Variants in ITGB3BP observed in about 807,000 individuals in gnomAD.
ITGB3BP encodes integrin subunit beta 3 binding protein, also known as centromere protein R.
Under a neutral mutation model 29.1 loss-of-function variants are expected in ITGB3BP, and 27 were observed. The observed-to-expected ratio is 0.93, with a 90% confidence interval of 0.68 to 1.28. ITGB3BP has a LOEUF of 1.28. ITGB3BP is among the 50% of genes most tolerant of loss of function. The pLI is 0.00. For missense variants in ITGB3BP, 192 were observed against 200.2 expected, an observed-to-expected ratio of 0.96 and a Z score of 0.25; for synonymous variants, 61 against 61.4, an observed-to-expected ratio of 0.99 and a Z score of 0.03.
intron 7 of ITGB3BP, among the ~76,000 whole-genome samples, chr1:63,447,286 A>G (rs1644801708): frequency 6.6e-6 from 1 of 152,202 alleles, no homozygotes; most frequent in Non-Finnish European, 1.5e-5. Context: ...ATAGCAATTT[A>G]TAAGTATTTG....
At chr1:63,488,995 T>C (rs1045042535) in intron 3 of ITGB3BP, among the ~76,000 whole-genome samples, 3 of 152,102 alleles carry the variant, frequency 2.0e-5, no homozygotes, top group South Asian at 4.1e-4. Flanking sequence ...ACTTAAAATC[T>C]ATTCACATTT....
At chr1:63,490,355 T>G in intron 2 of ITGB3BP, 137 bp from the exon 3 acceptor site, 1 of 596,068 alleles carries the variant, frequency 1.7e-6, no homozygotes, top group South Asian at 2.2e-5. Context: ...TATACTCAAC[T>G]ATCACTCTCA....
Position 63,454,118 on chromosome 1 carries a change from T to C in ITGB3BP, c.428-144A>G. 2.1e-6 allele frequency: 1 copy of C among 473,542 alleles called. No individual in the cohort carries two copies. Among genetic ancestry groups the C allele is most frequent in the Non-Finnish European group, 3.7e-6 (1 of 272,956 alleles). The allele number at this position is 473,542 out of a possible 1,614,324, so 29.3% of individuals were successfully genotyped here. ...ACCAAATATAAAATATAATACCTTATTATATATTATAAAAATGGGCATTAC... is the reference window on the plus strand; with the variant it reads ...ACCAAATATAAAATATAATACCTTACTATATATTATAAAAATGGGCATTAC... On this transcript the variant is annotated intron_variant, in intron 6 of 8. Transcript: ENST00000271002. This position sits in a 1 kb window ranked among gnomAD's most constrained non-coding sequence, Gnocchi z 4.1.
chr1:63,454,427 CAGG>C lies in ITGB3BP; in HGVS notation c.377_379del (p.Ser126del). Reference sequence around the variant, plus strand: ...TTCTCTTTTTAAGAAATGTGATGCACAGGAGATTCCAATGAGATTTTCAAGCTC... The same window carrying C: ...TTCTCTTTTTAAGAAATGTGATGCACAGATTCCAATGAGATTTTCAAGCTC... On this transcript the variant is annotated inframe_deletion, in exon 6 of 9. Coordinates refer to ENST00000271002, the MANE Select transcript of ITGB3BP (RefSeq NM_014288.5). The surrounding 1 kb of genome is among the most constrained non-coding windows in gnomAD (Gnocchi z 4.1). 1 of 1,604,540 alleles carries C rather than the reference CAGG, an allele frequency of 6.2e-7. No homozygotes were observed. Among genetic ancestry groups the C allele is most frequent in the East Asian group, 2.2e-5 (1 of 44,482 alleles).
chr1:63,525,452 T>C, upstream of ITGB3BP: 1 of 734,960 alleles, frequency 1.4e-6, no homozygotes, highest in Non-Finnish European at 2.1e-6. Context: ...TTCATATATG[T>C]TATAAATTTT....
chr1:63,465,808 G>T (rs781606760), intron 4 of ITGB3BP, among the ~76,000 whole-genome samples: 2 of 151,986 alleles, frequency 1.3e-5, no homozygotes, highest in African/African-American at 2.4e-5. Flanking sequence ...CTATGTATTT[G>T]TAAAAATGAT....
At chr1:63,491,363 A>C (rs1328319801) in intron 2 of ITGB3BP, among the ~76,000 whole-genome samples, 1 of 152,206 alleles carries the variant, frequency 6.6e-6, no homozygotes, top group African/African-American at 2.4e-5. Context: ...ATTAGTATGC[A>C]TGCTACGAAA....
intron 4 of ITGB3BP, among the ~76,000 whole-genome samples, chr1:63,463,707 A>C (rs1246563026): frequency 6.6e-6 from 1 of 152,226 alleles, no homozygotes; most frequent in African/African-American, 2.4e-5. Flanking sequence ...AGGATATGGA[A>C]GTTCACATAA....
chr1:63,469,049 A>C (rs933157953), intron 4 of ITGB3BP, among the ~76,000 whole-genome samples: 2 of 2,294 alleles, frequency 8.7e-4, no homozygotes, highest in Admixed American at 0.033. Context: ...GACTGTTTCA[A>C]AAAAAAAAAA....
chr1:63,444,587 A>G (rs533639370), intron 8 of ITGB3BP, among the ~76,000 whole-genome samples: 1 of 111,200 alleles, frequency 9.0e-6, no homozygotes, highest in Admixed American at 9.6e-5. Context: ...GGATATATAT[A>G]TATCTCCTAT....
At chr1:63,447,318 A>T (rs1016411023) in intron 7 of ITGB3BP, among the ~76,000 whole-genome samples, 7 of 152,160 alleles carry the variant, frequency 4.6e-5, no homozygotes, top group Admixed American at 6.6e-5. Flanking sequence ...ATAATTCTTT[A>T]AAAAAAGTTC....
intron 7 of ITGB3BP, among the ~76,000 whole-genome samples, chr1:63,448,320 AAAGTATAAT>A (rs1421658579): frequency 2.6e-5 from 4 of 151,416 alleles, no homozygotes; most frequent in African/African-American, 9.7e-5. Flanking sequence ...CCTAAAACTT[AAAGTATAAT>A]AAAAAATAAA....
intron 3 of ITGB3BP, among the ~76,000 whole-genome samples, chr1:63,479,594 C>T (rs1380439440): frequency 6.6e-6 from 1 of 152,096 alleles, no homozygotes; most frequent in Non-Finnish European, 1.5e-5. Context: ...TGTTCCCAAT[C>T]ACTCGGCCCT....
rs546212034 is a variant in ITGB3BP at position 63,498,823 on chromosome 1, G to A, written c.49-8605C>T. 1.2e-3 allele frequency among the ~76,000 whole-genome samples: 188 copies of A among 152,002 alleles called. 1 individual carries two copies. The Middle Eastern group carries it at 0.014, about 11-fold the overall frequency. On this transcript the variant is annotated intron_variant, in intron 2 of 8. Transcript: ENST00000271002. ...TAAATCTTCAGCTAGACTGATGAAGGAAGGAAGAAAAGGAGGGAGGGAGGG... is the reference window on the plus strand; with the variant it reads ...TAAATCTTCAGCTAGACTGATGAAGAAAGGAAGAAAAGGAGGGAGGGAGGG...
At chr1:63,458,086 G>C (rs559378278) in intron 4 of ITGB3BP, 1 of 152,218 alleles carries the variant, frequency 6.6e-6, no homozygotes, top group African/African-American at 2.4e-5. Flanking sequence ...CAAAGAAAAA[G>C]TCTTTATTCT....
chr1:63,450,977 CTATT>C (rs1437049185), intron 7 of ITGB3BP, among the ~76,000 whole-genome samples: 3 of 151,890 alleles, frequency 2.0e-5, no homozygotes, highest in Non-Finnish European at 1.5e-5. Context: ...TGTCAGATGT[CTATT>C]TATTTAAAAC....
intron 2 of ITGB3BP, among the ~76,000 whole-genome samples, chr1:63,503,079 G>A (rs1329635697): frequency 6.6e-6 from 1 of 152,092 alleles, no homozygotes; most frequent in African/African-American, 2.4e-5. Flanking sequence ...AGATCCCTGA[G>A]GAATCGCCAC....
At chr1:63,452,222 C>T (rs1273920394) in intron 7 of ITGB3BP, among the ~76,000 whole-genome samples, 1 of 152,090 alleles carries the variant, frequency 6.6e-6, no homozygotes, top group East Asian at 1.9e-4. Flanking sequence ...ATATTATTAG[C>T]ATTGACAGTT....
intron 2 of ITGB3BP, among the ~76,000 whole-genome samples, chr1:63,503,400 T>C (rs1012538728): frequency 6.6e-6 from 1 of 152,092 alleles, no homozygotes; most frequent in African/African-American, 2.4e-5. Context: ...CATTGTAGAT[T>C]CTGGATATTA....
Sources: allele counts gnomAD v4.1 joint callset (sites outside exome capture counted in the v4.1 genomes callset), GRCh38; gene constraint gnomAD v4.1.1; non-coding constraint Gnocchi (gnomAD v3.1); transcripts MANE v1.5; gene names NCBI Gene and HGNC (gene_info 2026-07-23, HGNC 2026-07-21).